The following NAALADL2 variants were observed in gnomAD, a reference collection of about 807,000 sequenced individuals.
NAALADL2 encodes inactive N-acetylated-alpha-linked acidic dipeptidase-like protein 2.
In NAALADL2, 76 loss-of-function variants were observed where a neutral mutation model predicts 87.2. That is an observed-to-expected ratio of 0.87 (90% confidence interval 0.72 to 1.05). The LOEUF (loss-of-function observed/expected upper bound fraction) is 1.05, where lower values mean the gene tolerates loss of function less well. Ranked by LOEUF, NAALADL2 falls within the 50% of genes least tolerant of loss-of-function variation. The pLI, the probability that NAALADL2 is intolerant of heterozygous loss-of-function variation, is 0.00. For missense variants in NAALADL2, 1,089 were observed against 945.8 expected (o/e 1.15, Z -1.99); for synonymous variants, 354 against 331.0 (o/e 1.07, Z -0.75).
chr3:174,994,049 G>A lies in NAALADL2; in HGVS notation c.44-102741G>A, dbSNP rs1560453332. 2.6e-5 allele frequency among the ~76,000 whole-genome samples: 4 copies of A among 152,220 alleles called. No homozygotes were observed. The South Asian group carries it at 8.3e-4, about 32-fold the overall frequency. On this transcript the variant is annotated intron_variant, in intron 1 of 13. Coordinates refer to ENST00000454872, the MANE Select transcript of NAALADL2 (RefSeq NM_207015.3). Reference sequence around the variant, plus strand: ...CTGCACTATGACCTCATCTTAACTTGCTTGCATCTGCAAAGACCCTATTTC... The same window carrying A: ...CTGCACTATGACCTCATCTTAACTTACTTGCATCTGCAAAGACCCTATTTC...
intron 1 of NAALADL2, among the ~76,000 whole-genome samples, chr3:175,001,625 A>ATGAAAAATAAGAAAG (rs1324477723): frequency 4.1e-4 from 63 of 152,114 alleles, no homozygotes; most frequent in African/African-American, 1.5e-3. Flanking sequence ...GTTTTTCGTA[A>ATGAAAAATAAGAAAG]TACCCTGGAA....
intron 9 of NAALADL2, among the ~76,000 whole-genome samples, chr3:175,473,873 G>T (rs996748336): frequency 6.6e-6 from 1 of 152,046 alleles, no homozygotes; most frequent in Non-Finnish European, 1.5e-5. Context: ...TAAGGACAAA[G>T]ATATTTCATT....
intron 13 of NAALADL2, among the ~76,000 whole-genome samples, chr3:175,801,355 C>A (rs1754123250): frequency 6.6e-6 from 1 of 151,980 alleles, no homozygotes; most frequent in African/African-American, 2.4e-5. Context: ...TTTACCAGGC[C>A]CTGTATGATA....
chr3:174,844,309 G>T (rs1054073208), intron 3 of NAALADL2, among the ~76,000 whole-genome samples: 2 of 152,110 alleles, frequency 1.3e-5, no homozygotes, highest in South Asian at 4.1e-4. Flanking sequence ...ATAGGTAGGC[G>T]AATTTATTTC....
chr3:175,695,905 G>A (rs1737737540), intron 11 of NAALADL2, among the ~76,000 whole-genome samples: 1 of 152,034 alleles, frequency 6.6e-6, no homozygotes, highest in Admixed American at 6.6e-5. Context: ...GCAATACAAT[G>A]TCTACTTAAA....
chr3:175,061,784 G>A (rs1470242578), intron 1 of NAALADL2, among the ~76,000 whole-genome samples: 1 of 147,934 alleles, frequency 6.8e-6, no homozygotes, highest in African/African-American at 2.5e-5. Context: ...ATATATTGTA[G>A]TAAATCCATG....
chr3:175,742,997 ATCTT>A (rs754003450), intron 12 of NAALADL2, among the ~76,000 whole-genome samples: 3 of 148,334 alleles, frequency 2.0e-5, no homozygotes, highest in Admixed American at 6.7e-5. Context: ...ACAATTCCAA[ATCTT>A]TTTTTTTTTT....
chr3:174,881,916 T>C (rs1474294813), intron 1 of NAALADL2, among the ~76,000 whole-genome samples: 1 of 152,006 alleles, frequency 6.6e-6, no homozygotes, highest in African/African-American at 2.4e-5. Flanking sequence ...ATTTCAGATG[T>C]TTCAGATTTG....
intron 1 of NAALADL2, among the ~76,000 whole-genome samples, chr3:174,983,514 G>A (rs148113827): frequency 6.6e-6 from 1 of 152,238 alleles, no homozygotes; most frequent in Admixed American, 6.5e-5. Flanking sequence ...TAGTTCTGGA[G>A]GCTGAGAAGT....
chr3:175,284,984 G>A (rs1164810941), intron 4 of NAALADL2, among the ~76,000 whole-genome samples: 22 of 152,196 alleles, frequency 1.4e-4, no homozygotes, highest in Non-Finnish European at 2.1e-4. Context: ...TGGTGTAAAG[G>A]TAACTCCATT....
intron 13 of NAALADL2, among the ~76,000 whole-genome samples, chr3:175,772,489 CT>C (rs1215541335): frequency 4.6e-5 from 7 of 152,176 alleles, no homozygotes; most frequent in Non-Finnish European, 8.8e-5. Context: ...CCCTAACAAG[CT>C]TCTTCACCTA....
intron 1 of NAALADL2, among the ~76,000 whole-genome samples, chr3:174,508,836 C>G (rs1719394494): frequency 6.6e-6 from 1 of 152,116 alleles, no homozygotes; most frequent in African/African-American, 2.4e-5. Context: ...TGTCTTTGAG[C>G]TCCCGAGTTT....
At chr3:175,034,020 C>G (rs1018435382) in intron 1 of NAALADL2, among the ~76,000 whole-genome samples, 1 of 152,180 alleles carries the variant, frequency 6.6e-6, no homozygotes, top group Non-Finnish European at 1.5e-5. Flanking sequence ...TTCTCCGTTT[C>G]AGAATATCCA....
At chr3:175,074,530 C>T (rs1016452156) in intron 1 of NAALADL2, among the ~76,000 whole-genome samples, 1 of 151,772 alleles carries the variant, frequency 6.6e-6, no homozygotes. Flanking sequence ...CCAGTCTTTG[C>T]AACTGGAGTA....
intron 3 of NAALADL2, among the ~76,000 whole-genome samples, chr3:174,815,900 A>G (rs1324000245): frequency 6.7e-6 from 1 of 149,096 alleles, no homozygotes; most frequent in East Asian, 2.0e-4. Context: ...GGAAATGACA[A>G]ACACCTTTGT....
At chr3:175,770,360 T>C (rs1262483566) in intron 13 of NAALADL2, among the ~76,000 whole-genome samples, 1 of 152,198 alleles carries the variant, frequency 6.6e-6, no homozygotes, top group African/African-American at 2.4e-5. Flanking sequence ...AGAATGAATC[T>C]TTTCTAAATG....
chr3:174,448,852 G>GT (rs1715261034), intron 1 of NAALADL2, among the ~76,000 whole-genome samples: 1 of 152,148 alleles, frequency 6.6e-6, no homozygotes, highest in Non-Finnish European at 1.5e-5. Flanking sequence ...TAGTGATGTG[G>GT]TAAGTTTTGG....
At chr3:174,890,947 T>C (rs1730801627) in intron 1 of NAALADL2, among the ~76,000 whole-genome samples, 1 of 152,100 alleles carries the variant, frequency 6.6e-6, no homozygotes, top group Admixed American at 6.6e-5. Context: ...AATAATAATA[T>C]ATGAATAAGA....
At chr3:174,530,530 A>G (rs547250234) in intron 1 of NAALADL2, among the ~76,000 whole-genome samples, 1 of 152,324 alleles carries the variant, frequency 6.6e-6, no homozygotes, top group South Asian at 2.1e-4. Flanking sequence ...TGCTGCTGAT[A>G]AAGACATACT....
Sources: gnomAD v4.1 joint callset for allele counts (sites outside exome capture counted in the v4.1 genomes callset) on GRCh38, gnomAD v4.1.1 for gene constraint, MANE v1.5 for transcripts, NCBI Gene and HGNC (gene_info 2026-07-23, HGNC 2026-07-21) for gene names.